Variants in LRRTM4 observed in about 807,000 individuals in gnomAD.
LRRTM4 encodes the protein leucine-rich repeat transmembrane neuronal protein 4.
In LRRTM4, 25 loss-of-function variants were observed where a neutral mutation model predicts 47.6. The ratio of observed to expected loss-of-function variants is 0.53; its 90% CI spans 0.38 to 0.73. The LOEUF (loss-of-function observed/expected upper bound fraction) is 0.73. Among genes scored for constraint, LRRTM4 ranks in the 30% least tolerant of loss-of-function variants. The pLI is 0.00. For synonymous variants in LRRTM4, 311 were observed against 269.5 expected (o/e 1.15, Z -1.51); for missense variants, 638 against 713.4 (o/e 0.89, Z 1.20).
intron 3 of LRRTM4, among the ~76,000 whole-genome samples, chr2:77,126,588 C>G (rs1671658206): frequency 1.3e-5 from 2 of 152,054 alleles, no homozygotes; most frequent in African/African-American, 4.8e-5. Flanking sequence ...CATGGGAAAT[C>G]AATTCTTTAA....
At chr2:77,078,632 T>G (rs1680428961) in intron 3 of LRRTM4, among the ~76,000 whole-genome samples, 1 of 152,200 alleles carries the variant, frequency 6.6e-6, no homozygotes, top group African/African-American at 2.4e-5. Context: ...AGATGCTACC[T>G]TTTGATTCAT....
chr2:77,322,257 T>C (rs1200560774), intron 3 of LRRTM4, among the ~76,000 whole-genome samples: 1 of 152,108 alleles, frequency 6.6e-6, no homozygotes, highest in Non-Finnish European at 1.5e-5. Flanking sequence ...TATGACTTTC[T>C]TTATATATGG....
At chr2:76,784,919 G>C (rs961238035) in intron 3 of LRRTM4, among the ~76,000 whole-genome samples, 3 of 152,054 alleles carry the variant, frequency 2.0e-5, no homozygotes, top group African/African-American at 7.2e-5. Flanking sequence ...AATTCAGTTC[G>C]AATAGAGATT....
intron 3 of LRRTM4, among the ~76,000 whole-genome samples, chr2:76,814,285 C>T (rs71420971): frequency 0.041 from 6,164 of 151,964 alleles, 179 homozygotes; most frequent in South Asian, 0.065. Context: ...AATGTGTTTG[C>T]GTTTTAAGCC....
Position 77,476,963 on chromosome 2 carries a change from GATGT to G in LRRTM4, c.1551+41351_1551+41354del, listed in dbSNP as rs549217003. On this transcript the variant is annotated intron_variant, in intron 3 of 3. Coordinates refer to ENST00000409884, the MANE Select transcript of LRRTM4 (RefSeq NM_001134745.3). ...AATTATGTATAATAAATTTGTAAGA[GATGT>G]GTGTGTGTGTGTGTGTGTGTGTGTG... 1.9e-3 allele frequency among the ~76,000 whole-genome samples: 197 copies of G among 104,558 alleles called. 3 individuals are homozygous for G. The East Asian group carries it at 0.063, about 34-fold the overall frequency. The allele number at this position is 104,558 out of a possible 152,430, so 68.6% of individuals were successfully genotyped here.
chr2:76,992,904 TG>T (rs1327472737), intron 3 of LRRTM4, among the ~76,000 whole-genome samples: 1 of 149,438 alleles, frequency 6.7e-6, no homozygotes, highest in East Asian at 2.0e-4. Flanking sequence ...CAAAACAGCA[TG>T]GTACTGGTAC....
intron 3 of LRRTM4, among the ~76,000 whole-genome samples, chr2:77,416,069 T>C (rs866157383): frequency 6.6e-6 from 1 of 152,264 alleles, no homozygotes; most frequent in Middle Eastern, 3.4e-3. Flanking sequence ...ATACAGTTAT[T>C]TTCTTTTCAC....
In LRRTM4 at chr2:77,260,407, G is replaced by GTA. The variant is rs1553418015; in HGVS notation, c.1551+257910_1551+257911insTA. Among the ~76,000 whole-genome samples, 1,510 of 151,276 alleles carry GTA rather than the reference G, an allele frequency of 1.0e-2. 28 individuals carry two copies. Among genetic ancestry groups the GTA allele is most frequent in the African/African-American group, 0.034 (1,390 of 41,062 alleles). On this transcript the variant is annotated intron_variant, in intron 3 of 3. Transcript: ENST00000409884. The stretch of plus-strand genomic sequence containing the variant: ...TGTGTGTGTGTGTGTGTGTGTGTGT[G>GTA]TGTGTGTAGATAGTTGATTGGCTGC...
chr2:77,459,543 G>C (rs1351741711), intron 3 of LRRTM4, among the ~76,000 whole-genome samples: 1 of 151,876 alleles, frequency 6.6e-6, no homozygotes, highest in African/African-American at 2.4e-5. Context: ...AGATCCCACT[G>C]TAGAGTAAGT....
intron 3 of LRRTM4, among the ~76,000 whole-genome samples, chr2:76,759,905 T>C (rs1235679604): frequency 2.0e-5 from 3 of 152,188 alleles, no homozygotes; most frequent in Non-Finnish European, 4.4e-5. Flanking sequence ...TTGTTTATTT[T>C]CTTCATAGCA....
chr2:77,513,828 AT>A (rs1005526224), intron 3 of LRRTM4, among the ~76,000 whole-genome samples: 65 of 152,084 alleles, frequency 4.3e-4, no homozygotes, highest in African/African-American at 1.5e-3. Flanking sequence ...GGCCTCCCAA[AT>A]TACTGGGATT....
chr2:77,519,799 G>A lies in LRRTM4; in HGVS notation c.70C>T (p.Leu24Phe). The change falls in exon 3 of 4, where the codon CTT becomes TTT. Residue 24 changes from leucine (L) to phenylalanine (F), a missense_variant. Coordinates refer to ENST00000409884, the MANE Select transcript of LRRTM4 (RefSeq NM_001134745.3). This position sits in a 1 kb window ranked among gnomAD's most constrained non-coding sequence, Gnocchi z 4.6. ...VVLVLLPTLL[L>F]VMLTGAQRAC... ...CTCTGAGCACCCGTGAGCATAACAA[G>A]CAGCAGTGTAGGAAGTAGCACCAGC... 6.2e-7 allele frequency: 1 copy of A among 1,613,010 alleles called. No individual in the cohort carries two copies. The highest frequency in any genetic ancestry group is 8.5e-7 in the Non-Finnish European group (1 of 1,179,432).
intron 3 of LRRTM4, among the ~76,000 whole-genome samples, chr2:76,974,166 AT>A (rs1057258091): frequency 1.2e-5 from 1 of 81,572 alleles, no homozygotes; most frequent in Non-Finnish European, 2.3e-5. Flanking sequence ...ATATATATAT[AT>A]ACATACATAT....
chr2:76,843,461 G>A (rs1389060063), intron 3 of LRRTM4, among the ~76,000 whole-genome samples: 1 of 152,054 alleles, frequency 6.6e-6, no homozygotes, highest in Admixed American at 6.5e-5. Flanking sequence ...ATTTAACAGA[G>A]GAGCAAAAGG....
chr2:77,214,728 A>G (rs920401544), intron 3 of LRRTM4, among the ~76,000 whole-genome samples: 2 of 151,924 alleles, frequency 1.3e-5, no homozygotes, highest in African/African-American at 4.8e-5. Flanking sequence ...CTAACTTGTT[A>G]ATATGGACAA....
At chr2:77,391,382 C>T (rs926152047) in intron 3 of LRRTM4, among the ~76,000 whole-genome samples, 1 of 151,958 alleles carries the variant, frequency 6.6e-6, no homozygotes, top group African/African-American at 2.4e-5. Context: ...ACTTTTTAAA[C>T]ACTGTGTATA....
At chr2:76,956,221 A>G (rs1042996945) in intron 3 of LRRTM4, among the ~76,000 whole-genome samples, 1 of 151,826 alleles carries the variant, frequency 6.6e-6, no homozygotes, top group African/African-American at 2.4e-5. Flanking sequence ...TAACAAATTT[A>G]AGAAGACTGG....
At chr2:77,461,362 A>G (rs1676782862) in intron 3 of LRRTM4, among the ~76,000 whole-genome samples, 1 of 152,078 alleles carries the variant, frequency 6.6e-6, no homozygotes. Context: ...AGCAGCCCCA[A>G]TATTTGAATT....
chr2:76,807,471 C>CGT (rs1553412707), intron 3 of LRRTM4, among the ~76,000 whole-genome samples: 1,246 of 97,416 alleles, frequency 0.013, 42 homozygotes, highest in Middle Eastern at 0.035. Context: ...TATATATATA[C>CGT]ATATATATAT....
Sources: gnomAD v4.1 joint callset for allele counts (sites outside exome capture counted in the v4.1 genomes callset) on GRCh38, gnomAD v4.1.1 for gene constraint, Gnocchi (gnomAD v3.1) non-coding constraint, MANE v1.5 for transcripts, NCBI Gene and HGNC (gene_info 2026-07-23, HGNC 2026-07-21) for gene names.